The following EYS variants were observed in gnomAD, a reference collection of about 807,000 sequenced individuals.
EYS encodes the protein protein eyes shut homolog.
Under a neutral mutation model 282.1 loss-of-function variants are expected in EYS, and 250 were observed. The observed-to-expected ratio is 0.89, with a 90% CI of 0.80 to 0.98. The LOEUF is 0.98. Among genes scored for constraint, EYS ranks in the 50% least tolerant of loss-of-function variants. The pLI, the probability that EYS is intolerant of heterozygous loss-of-function variation, is 0.00. For missense variants in EYS, 4,016 were observed against 3,709.0 expected (o/e 1.08, Z -2.15); for synonymous variants, 1,355 against 1,282.9 (o/e 1.06, Z -1.20).
intron 22 of EYS, among the ~76,000 whole-genome samples, chr6:64,788,428 T>TA (rs1774087508): frequency 6.6e-6 from 1 of 152,170 alleles, no homozygotes; most frequent in African/African-American, 2.4e-5. Flanking sequence ...CTCCCATCTC[T>TA]AGTGATGCCT....
chr6:63,770,283 C>T (rs542036690), intron 40 of EYS, among the ~76,000 whole-genome samples: 23 of 152,092 alleles, frequency 1.5e-4, no homozygotes, highest in Non-Finnish European at 2.9e-4. Context: ...TTTCAGCTTA[C>T]CTATCAAATA....
At chr6:64,479,150 T>C (rs1292012109) in intron 26 of EYS, among the ~76,000 whole-genome samples, 1 of 151,986 alleles carries the variant, frequency 6.6e-6, no homozygotes, top group Non-Finnish European at 1.5e-5. Context: ...GTGCTTTGAA[T>C]TAATTATCAA....
chr6:64,262,329 A>G (rs1767615310), intron 30 of EYS, among the ~76,000 whole-genome samples: 1 of 151,268 alleles, frequency 6.6e-6, no homozygotes, highest in South Asian at 2.1e-4. Flanking sequence ...ATATTTTTAT[A>G]TTGTATATAT....
chr6:65,119,366 C>T (rs919387888), intron 12 of EYS, among the ~76,000 whole-genome samples: 8 of 152,148 alleles, frequency 5.3e-5, no homozygotes, highest in Admixed American at 4.6e-4. Context: ...CAAGGAGCTA[C>T]CACGTCTAAA....
chr6:65,143,673 T>TCC (rs1440174801), intron 12 of EYS, among the ~76,000 whole-genome samples: 256 of 152,110 alleles, frequency 1.7e-3, no homozygotes, highest in Non-Finnish European at 2.6e-3. Context: ...TAGCTTCTCT[T>TCC]CACATTGTCT....
At chr6:65,375,227 G>A (rs1582206703) in intron 8 of EYS, among the ~76,000 whole-genome samples, 2 of 152,306 alleles carry the variant, frequency 1.3e-5, no homozygotes, top group South Asian at 4.1e-4. Context: ...CTCTGCTGGT[G>A]ATACCCAAGC....
At chr6:64,503,112 T>C (rs1470065493) in intron 26 of EYS, among the ~76,000 whole-genome samples, 1 of 152,252 alleles carries the variant, frequency 6.6e-6, no homozygotes, top group East Asian at 1.9e-4. Flanking sequence ...ACATACACAT[T>C]CTCTCAAAAT....
At chr6:65,415,706 T>C (rs9453297) in intron 5 of EYS, among the ~76,000 whole-genome samples, 29,196 of 152,026 alleles carry the variant, frequency 0.19, 2,983 homozygotes, top group South Asian at 0.35. Context: ...CTTTTTCTGA[T>C]TGTTTCTGCT....
intron 6 of EYS, 43 bp from the exon 7 acceptor site, chr6:65,402,648 A>G (rs1277662482): frequency 3.6e-6 from 5 of 1,376,544 alleles, no homozygotes; most frequent in Non-Finnish European, 4.1e-6. Context: ...TATTATGGAT[A>G]TTTCAAAGGT....
intron 1 of EYS, among the ~76,000 whole-genome samples, chr6:65,653,158 T>C (rs951971722): frequency 2.6e-5 from 4 of 151,884 alleles, no homozygotes; most frequent in Admixed American, 2.6e-4. Flanking sequence ...CCCTGTGTTT[T>C]CTATTTCTTC....
At chr6:65,592,000 G>A (rs1765249229) in intron 2 of EYS, among the ~76,000 whole-genome samples, 1 of 151,868 alleles carries the variant, frequency 6.6e-6, no homozygotes, top group Non-Finnish European at 1.5e-5. Flanking sequence ...AGCATGTGAT[G>A]GATAACTGCA....
At chr6:65,613,077 A>G (rs772969950) in intron 2 of EYS, among the ~76,000 whole-genome samples, 5 of 151,824 alleles carry the variant, frequency 3.3e-5, no homozygotes, top group African/African-American at 4.8e-5. Flanking sequence ...GAGGCATCTC[A>G]GTTTATAGAT....
intron 12 of EYS, among the ~76,000 whole-genome samples, chr6:65,213,655 GC>G (rs1766233312): frequency 1.3e-5 from 2 of 152,176 alleles, no homozygotes; most frequent in Admixed American, 6.5e-5. Flanking sequence ...TAACTTAATT[GC>G]TAAATGTTGT....
intron 14 of EYS, among the ~76,000 whole-genome samples, chr6:64,978,953 A>G (rs963136648): frequency 2.0e-5 from 3 of 151,902 alleles, no homozygotes; most frequent in Admixed American, 1.3e-4. Flanking sequence ...TTGAAATGGA[A>G]TCTACTTCTG....
chr6:64,230,926 C>A, intron 30 of EYS, 102 bp from the exon 31 acceptor site: 1 of 640,674 alleles, frequency 1.6e-6, no homozygotes, highest in South Asian at 2.4e-5. Flanking sequence ...GAAAATGAAA[C>A]CAATACTGAT....
At chr6:64,616,022 A>C (rs1228683830) in intron 24 of EYS, among the ~76,000 whole-genome samples, 1 of 152,124 alleles carries the variant, frequency 6.6e-6, no homozygotes, top group African/African-American at 2.4e-5. Context: ...CACATGTGAA[A>C]GAACATATAC....
intron 12 of EYS, among the ~76,000 whole-genome samples, chr6:65,063,179 A>T (rs904520858): frequency 5.3e-5 from 8 of 151,956 alleles, no homozygotes; most frequent in African/African-American, 1.9e-4. Context: ...AATTTTCTGA[A>T]ATTATATGTA....
At chr6:65,461,424 C>T (rs1352884790) in intron 5 of EYS, among the ~76,000 whole-genome samples, 3 of 152,078 alleles carry the variant, frequency 2.0e-5, no homozygotes, top group Non-Finnish European at 4.4e-5. Context: ...TCTAACTCAT[C>T]GACTTCCAGT....
chr6:65,494,982 A>G lies in EYS; in HGVS notation c.429T>C (p.Val143=). 1 of 1,614,202 alleles carries G rather than the reference A, an allele frequency of 6.2e-7. No homozygotes were observed. The highest frequency in any genetic ancestry group is 8.5e-7 in the Non-Finnish European group (1 of 1,180,026). ...TAACTGTGATAAAATAATGTGTCCC[A>G]ACACTCAGCCACTTAGAATTAACAG... ...MHTVNSKWLS[V]GTHYFITVMA... is the part of the protein sequence containing the mutation. Residue 143 remains valine, a synonymous_variant, in exon 4 of 43, where the codon GTT becomes GTC. Transcript: ENST00000503581.
Sources: allele counts gnomAD v4.1 joint callset (sites outside exome capture counted in the v4.1 genomes callset), GRCh38; gene constraint gnomAD v4.1.1; transcripts MANE v1.5; gene names NCBI Gene and HGNC (gene_info 2026-07-23, HGNC 2026-07-21).